Variants in ZCWPW1 observed in about 807,000 individuals in gnomAD.
The protein encoded by ZCWPW1 is zinc finger CW-type and PWWP domain containing 1.
ZCWPW1 carries 56 observed loss-of-function variants against 81.3 expected under a neutral mutation model. The ratio of observed to expected loss-of-function variants is 0.69; its 90% CI spans 0.56 to 0.86. ZCWPW1 has a LOEUF of 0.86. ZCWPW1 is among the 40% of genes least tolerant of loss of function. The pLI, the probability that ZCWPW1 is intolerant of heterozygous loss-of-function variation, is 0.00. For missense variants in ZCWPW1, 650 were observed against 769.8 expected, an observed-to-expected ratio of 0.84 and a Z score of 1.84; for synonymous variants, 250 against 273.7, an observed-to-expected ratio of 0.91 and a Z score of 0.86.
intron 14 of ZCWPW1, 41 bp from the exon 15 acceptor site, chr7:100,403,826 C>A: frequency 6.4e-7 from 1 of 1,563,106 alleles, no homozygotes; most frequent in South Asian, 1.1e-5. Flanking sequence ...TCATTCATAC[C>A]ATAAAATAGT....
intron 2 of ZCWPW1, among the ~76,000 whole-genome samples, chr7:100,423,154 G>A (rs1796643675): frequency 1.3e-5 from 2 of 152,172 alleles, no homozygotes; most frequent in Non-Finnish European, 2.9e-5. Flanking sequence ...CAGAGGTTAA[G>A]TGGTTTGCCT....
chr7:100,412,546 T>G (rs1290876592), intron 8 of ZCWPW1, among the ~76,000 whole-genome samples: 1 of 152,248 alleles, frequency 6.6e-6, no homozygotes, highest in East Asian at 1.9e-4. Context: ...ACTTTTCTCT[T>G]TCTCTATTTT....
At chr7:100,420,975 C>T (rs1217880586) in intron 2 of ZCWPW1, among the ~76,000 whole-genome samples, 1 of 152,152 alleles carries the variant, frequency 6.6e-6, no homozygotes, top group Non-Finnish European at 1.5e-5. Flanking sequence ...CACGGCAAAA[C>T]CTCATTTCTA....
At position 100,419,766 on chromosome 7, in the gene ZCWPW1, G is replaced by A. The variant is rs1359252092; in HGVS notation, c.146C>T (p.Thr49Ile). 15 of 1,613,892 alleles carry A rather than the reference G, an allele frequency of 9.3e-6. No individual in the cohort carries two copies. The East Asian group carries it at 3.1e-4, about 34-fold the overall frequency. ...CTTTGGCAGGCTTATCCTGGCCTCT[G>A]TCTCTGGGGAACTGATCCCCGGGGT... ...EETPGISSPETEARISLPKAS... is the reference protein window; with the variant it reads ...EETPGISSPEIEARISLPKAS... The change falls in exon 4 of 18, where the codon ACA becomes ATA. Residue 49 changes from threonine (T) to isoleucine (I), a missense_variant. Coordinates refer to ENST00000684423, the MANE Select transcript of ZCWPW1 (RefSeq NM_001386010.1).
chr7:100,426,568 C>T (rs772819660), intron 1 of ZCWPW1, among the ~76,000 whole-genome samples: 32 of 150,804 alleles, frequency 2.1e-4, no homozygotes, highest in Non-Finnish European at 3.7e-4. Context: ...GCATTAATAA[C>T]AGTATGTGGA....
intron 3 of ZCWPW1, 146 bp from the exon 4 acceptor site, chr7:100,420,029 A>C: frequency 1.6e-6 from 1 of 639,452 alleles, no homozygotes; most frequent in East Asian, 2.9e-5. Flanking sequence ...TGCTTACTCC[A>C]CTCCTCAGCC....
chr7:100,426,492 CAAAAA>C (rs1239534406), intron 1 of ZCWPW1, among the ~76,000 whole-genome samples: 1 of 72,256 alleles, frequency 1.4e-5, no homozygotes. Context: ...GACTCTGTCT[CAAAAA>C]AAAAAAAAAA....
chr7:100,407,297 T>C lies in ZCWPW1; in HGVS notation c.999A>G (p.Pro333=). 6.2e-7 allele frequency: 1 copy of C among 1,613,604 alleles called. No homozygotes were observed. Among genetic ancestry groups the C allele is most frequent in the Non-Finnish European group, 8.5e-7 (1 of 1,179,740 alleles). Residue 333 remains proline, a synonymous_variant, in exon 11 of 18, where the codon CCA becomes CCG. Transcript: ENST00000684423. Reference sequence around the variant, plus strand: ...AGTCAGGATCAGATTCTATCATGCCTGGCCACCTGGAGAAGATAGTTGGGT... The same window carrying C: ...AGTCAGGATCAGATTCTATCATGCCCGGCCACCTGGAGAAGATAGTTGGGT... ...WAKQYGYPWW[P]GMIESDPDLG...
intron 8 of ZCWPW1, among the ~76,000 whole-genome samples, chr7:100,410,464 C>T (rs1441512306): frequency 6.6e-6 from 1 of 152,174 alleles, no homozygotes; most frequent in Non-Finnish European, 1.5e-5. Context: ...TACTCTCCAA[C>T]TCTTATAAAA....
At chr7:100,420,789 G>T in intron 2 of ZCWPW1, 111 bp from the exon 3 acceptor site, 1 of 998,684 alleles carries the variant, frequency 1.0e-6, no homozygotes, top group Non-Finnish European at 1.5e-6. Context: ...CTAGGTTTCT[G>T]CATTCTTGAC....
At chr7:100,408,258 A>G (rs1391679048) in intron 10 of ZCWPW1, among the ~76,000 whole-genome samples, 4 of 152,050 alleles carry the variant, frequency 2.6e-5, no homozygotes, top group Admixed American at 6.6e-5. Flanking sequence ...GCCAATCTCA[A>G]TATTTTTAAA....
intron 10 of ZCWPW1, among the ~76,000 whole-genome samples, chr7:100,408,010 G>C (rs1428331131): frequency 6.6e-6 from 1 of 152,024 alleles, no homozygotes; most frequent in Non-Finnish European, 1.5e-5. Flanking sequence ...GAGTGCAGTG[G>C]TGCAATCTTG....
intron 8 of ZCWPW1, among the ~76,000 whole-genome samples, chr7:100,415,507 C>T (rs1246352493): frequency 2.0e-5 from 3 of 152,168 alleles, no homozygotes; most frequent in Non-Finnish European, 4.4e-5. Flanking sequence ...GTAGCTATAA[C>T]CAAACCGCTA....
chr7:100,416,993 A>C (rs1460844112), intron 6 of ZCWPW1, 73 bp downstream of exon 6: 5 of 1,101,370 alleles, frequency 4.5e-6, no homozygotes, highest in Admixed American at 2.0e-5. Context: ...ATAGACAGAC[A>C]GATAGATAGA....
rs752820094 is a variant in ZCWPW1, at chr7:100,419,109, AC to A, written c.361+1del. 6.2e-7 allele frequency: 1 copy of A among 1,612,778 alleles called. No homozygotes were observed. Among genetic ancestry groups the A allele is most frequent in the Non-Finnish European group, 8.5e-7 (1 of 1,179,332 alleles). On this transcript the variant is annotated splice_donor_variant, in intron 5 of 17. Coordinates refer to ENST00000684423, the MANE Select transcript of ZCWPW1 (RefSeq NM_001386010.1). LOFTEE classifies it high-confidence loss of function. The stretch of plus-strand genomic sequence containing the variant: ...CCCTTTTTCTCTTACTACATGCCAT[AC>A]CCAAGCACTCCTGAAGGGACTTCTG...
At chr7:100,425,474 G>A (rs1211519683) in intron 1 of ZCWPW1, among the ~76,000 whole-genome samples, 2 of 152,036 alleles carry the variant, frequency 1.3e-5, no homozygotes, top group Admixed American at 6.6e-5. Context: ...AGGTGAATGA[G>A]GATCTCAAAA....
intron 6 of ZCWPW1, 76 bp downstream of exon 6, chr7:100,416,990 G>A (rs1311162387): frequency 2.9e-6 from 3 of 1,024,182 alleles, no homozygotes; most frequent in African/African-American, 1.6e-5. Flanking sequence ...CAGATAGACA[G>A]ACAGATAGAT....
chr7:100,402,360 G>C (rs760206013), intron 16 of ZCWPW1, 156 bp downstream of exon 16: 1 of 915,460 alleles, frequency 1.1e-6, no homozygotes, highest in Non-Finnish European at 1.8e-6. Context: ...AAGCAAAGGG[G>C]TTCCAGCTCC....
At chr7:100,419,314 T>C in intron 4 of ZCWPW1, 125 bp from the exon 5 acceptor site, 1 of 830,780 alleles carries the variant, frequency 1.2e-6, no homozygotes, top group Non-Finnish European at 1.9e-6. Context: ...GCAGTCAGCA[T>C]ACCTAAGGAG....
Sources: allele counts gnomAD v4.1 joint callset (sites outside exome capture counted in the v4.1 genomes callset), GRCh38; gene constraint gnomAD v4.1.1; transcripts MANE v1.5; gene names NCBI Gene and HGNC (gene_info 2026-07-23, HGNC 2026-07-21).